Variants in GRID2 observed in about 807,000 individuals in gnomAD.
The protein encoded by GRID2 is glutamate receptor ionotropic, delta-2.
Under a neutral mutation model 114.8 loss-of-function variants are expected in GRID2, and 33 were observed. The ratio of observed to expected loss-of-function variants is 0.29; its 90% CI spans 0.22 to 0.38. GRID2 has a LOEUF of 0.38. GRID2 is among the 10% of genes least tolerant of loss of function. GRID2 has a pLI of 1.00. For missense variants in GRID2, 1,184 were observed against 1,257.7 expected (o/e 0.94, Z 0.89); for synonymous variants, 505 against 449.9 (o/e 1.12, Z -1.55).
intron 1 of GRID2, among the ~76,000 whole-genome samples, chr4:92,364,837 C>T (rs748709427): frequency 6.6e-6 from 1 of 152,006 alleles, no homozygotes; most frequent in Non-Finnish European, 1.5e-5. Context: ...CTGAGTGAGA[C>T]TCCCCCTGTA....
At chr4:93,403,652 A>C (rs1272507561) in intron 9 of GRID2, among the ~76,000 whole-genome samples, 2 of 152,146 alleles carry the variant, frequency 1.3e-5, no homozygotes, top group African/African-American at 4.8e-5. Context: ...CCATCAAGGA[A>C]ATGCAAATCA....
At chr4:93,398,149 A>ATATATATATATATATATATATATC (rs1560579261) in intron 9 of GRID2, among the ~76,000 whole-genome samples, 12 of 145,318 alleles carry the variant, frequency 8.3e-5, no homozygotes, top group African/African-American at 3.2e-4. Flanking sequence ...ATATATATAT[A>ATATATATATATATATATATATATC]TATCTTATCA....
chr4:93,589,284 G>C (rs1316703686), intron 13 of GRID2, among the ~76,000 whole-genome samples: 2 of 146,188 alleles, frequency 1.4e-5, no homozygotes, highest in Non-Finnish European at 3.0e-5. Flanking sequence ...TCCCACCTAT[G>C]AGTGAGAATA....
At chr4:92,934,687 G>C (rs1292443202) in intron 2 of GRID2, among the ~76,000 whole-genome samples, 1 of 146,634 alleles carries the variant, frequency 6.8e-6, no homozygotes, top group African/African-American at 2.4e-5. Flanking sequence ...TACCAAAACA[G>C]AGATATAGAT....
intron 2 of GRID2, among the ~76,000 whole-genome samples, chr4:92,769,211 G>T (rs941383397): frequency 5.3e-5 from 8 of 152,094 alleles, no homozygotes; most frequent in Admixed American, 2.6e-4. Flanking sequence ...AACCCAGTGG[G>T]GCAATCCTAA....
intron 12 of GRID2, among the ~76,000 whole-genome samples, chr4:93,504,262 A>T (rs1224229013): frequency 1.3e-5 from 2 of 152,086 alleles, no homozygotes; most frequent in Non-Finnish European, 1.5e-5. Context: ...TAGTATTATT[A>T]TGTATTATTG....
At position 92,903,899 on chromosome 4, in the gene GRID2, G is replaced by T. The variant is rs80297991; in HGVS notation, c.245-181096G>T. 1.6e-4 allele frequency among the ~76,000 whole-genome samples: 25 copies of T among 152,034 alleles called. No homozygotes were observed. The East Asian group carries it at 4.6e-3, about 28-fold the overall frequency. ...CAATAGGTAAGTAAACAATGGGAGG[G>T]TGTTGGAGAGAGATCTATCATAGAG... On this transcript the variant is annotated intron_variant, in intron 2 of 15. Transcript: ENST00000282020.
chr4:93,569,654 C>T (rs1735748792), intron 13 of GRID2, among the ~76,000 whole-genome samples: 1 of 152,202 alleles, frequency 6.6e-6, no homozygotes, highest in Admixed American at 6.6e-5. Flanking sequence ...TGTTTACATT[C>T]TCAGGTCCCT....
chr4:93,714,346 G>A (rs1327846140), intron 14 of GRID2, among the ~76,000 whole-genome samples: 29 of 152,098 alleles, frequency 1.9e-4, no homozygotes, highest in Admixed American at 1.6e-3. Context: ...ATCATCGATG[G>A]ACATTTAGGT....
intron 13 of GRID2, among the ~76,000 whole-genome samples, chr4:93,546,733 G>A (rs533818026): frequency 2.0e-5 from 3 of 152,260 alleles, no homozygotes; most frequent in South Asian, 4.1e-4. Flanking sequence ...AAGATGCAGC[G>A]GAGTCATGTC....
intron 2 of GRID2, among the ~76,000 whole-genome samples, chr4:92,966,169 G>T (rs529576281): frequency 2.0e-5 from 3 of 151,980 alleles, no homozygotes; most frequent in African/African-American, 7.2e-5. Flanking sequence ...AAAGGGCAAG[G>T]CCTCTGCCCT....
chr4:92,675,319 A>T (rs1009442006), intron 2 of GRID2, among the ~76,000 whole-genome samples: 1 of 152,164 alleles, frequency 6.6e-6, no homozygotes, highest in Non-Finnish European at 1.5e-5. Flanking sequence ...CTTGTCTGTC[A>T]TGCCTATGGT....
At chr4:93,108,701 G>T (rs894987245) in intron 3 of GRID2, among the ~76,000 whole-genome samples, 1 of 151,254 alleles carries the variant, frequency 6.6e-6, no homozygotes, top group Non-Finnish European at 1.5e-5. Context: ...CATGATCTCG[G>T]TTCACTGCAA....
intron 2 of GRID2, among the ~76,000 whole-genome samples, chr4:92,733,094 C>T (rs1736408388): frequency 6.6e-6 from 1 of 152,056 alleles, no homozygotes; most frequent in South Asian, 2.1e-4. Flanking sequence ...CTTCCTCTCT[C>T]TCTCTCTCTC....
chr4:92,962,769 G>C (rs1440531542), intron 2 of GRID2, among the ~76,000 whole-genome samples: 1 of 151,874 alleles, frequency 6.6e-6, no homozygotes, highest in East Asian at 1.9e-4. Context: ...TAGAGTTTTT[G>C]ACTCTCAGAA....
chr4:93,582,709 T>G (rs959279954), intron 13 of GRID2, among the ~76,000 whole-genome samples: 1 of 151,812 alleles, frequency 6.6e-6, no homozygotes, highest in African/African-American at 2.4e-5. Flanking sequence ...TGTATTTGTG[T>G]TTTTTTTAAT....
chr4:93,192,656 A>G (rs906241104), intron 4 of GRID2, among the ~76,000 whole-genome samples: 1 of 148,904 alleles, frequency 6.7e-6, no homozygotes. Flanking sequence ...CTGAGGCAGG[A>G]GAATTGCTTG....
intron 2 of GRID2, among the ~76,000 whole-genome samples, chr4:92,693,975 G>A (rs1734309029): frequency 6.6e-6 from 1 of 152,272 alleles, no homozygotes; most frequent in East Asian, 1.9e-4. Flanking sequence ...TAAGGGAGAG[G>A]TAAGGCCTTT....
intron 2 of GRID2, among the ~76,000 whole-genome samples, chr4:93,037,038 G>A (rs564343962): frequency 6.6e-6 from 1 of 152,198 alleles, no homozygotes; most frequent in South Asian, 2.1e-4. Context: ...GAAGTCTGTA[G>A]TATTTCTTAA....
Sources: gnomAD v4.1 joint callset for allele counts (sites outside exome capture counted in the v4.1 genomes callset) on GRCh38, gnomAD v4.1.1 for gene constraint, MANE v1.5 for transcripts, NCBI Gene and HGNC (gene_info 2026-07-23, HGNC 2026-07-21) for gene names.